Variants in LRP6 observed in about 807,000 individuals in gnomAD.
The protein encoded by LRP6 is LDL receptor related protein 6.
In LRP6, 43 loss-of-function variants were observed where a neutral mutation model predicts 184.1. The ratio of observed to expected loss-of-function variants is 0.23; its 90% CI spans 0.18 to 0.30. LRP6 has a LOEUF of 0.30. Ranked by LOEUF, LRP6 falls within the 10% of genes least tolerant of loss-of-function variation. The probability of loss-of-function intolerance (pLI) is 1.00; values close to 1 mark genes in which losing one functional copy is unlikely to be tolerated. For missense variants in LRP6, 1,571 were observed against 2,005.3 expected, an observed-to-expected ratio of 0.78 and a Z score of 4.14; for synonymous variants, 719 against 684.9, an observed-to-expected ratio of 1.05 and a Z score of -0.78.
rs547022529 is a variant in LRP6 at position 12,209,743 on chromosome 12, G to A, written c.450-6343C>T. Among the ~76,000 whole-genome samples the A allele has an allele frequency of 1.3e-3, 205 of 152,176 alleles. 1 individual carries two copies. The South Asian group carries it at 0.015, about 11-fold the overall frequency. On this transcript the variant is annotated intron_variant, in intron 2 of 22. Coordinates refer to ENST00000261349, the MANE Select transcript of LRP6 (RefSeq NM_002336.3). ...TAAGGTTTTGAACACCTATTAAAGC[G>A]GTGAGCACCTATTAGGAGCTAAGCA...
chr12:12,156,795 T>G (rs1179370135), intron 12 of LRP6, among the ~76,000 whole-genome samples: 1 of 152,240 alleles, frequency 6.6e-6, no homozygotes. Flanking sequence ...CCTCTCTGGT[T>G]GCTACTTCTC....
intron 10 of LRP6, among the ~76,000 whole-genome samples, chr12:12,161,628 G>A (rs993936441): frequency 1.3e-5 from 2 of 152,054 alleles, no homozygotes; most frequent in Non-Finnish European, 2.9e-5. Flanking sequence ...TTAGCTGCCG[G>A]CTTTAAAAAA....
intron 22 of LRP6, among the ~76,000 whole-genome samples, 185 bp downstream of exon 22, chr12:12,124,380 T>TA (rs770548907): frequency 9.3e-5 from 14 of 150,954 alleles, no homozygotes; most frequent in Non-Finnish European, 1.2e-4. Context: ...CTCAAAAAAT[T>TA]AAAAAAAAAG....
intron 7 of LRP6, among the ~76,000 whole-genome samples, chr12:12,168,227 G>C (rs574335487): frequency 2.0e-5 from 3 of 152,162 alleles, no homozygotes; most frequent in Non-Finnish European, 4.4e-5. Context: ...TCCAGCTAAT[G>C]TATTACAATC....
chr12:12,185,188 A>G (rs922438096), intron 4 of LRP6, among the ~76,000 whole-genome samples: 8 of 152,104 alleles, frequency 5.3e-5, no homozygotes, highest in African/African-American at 1.7e-4. Flanking sequence ...AGTCCCAGCT[A>G]CTAGGGAGGC....
chr12:12,235,826 A>G lies in LRP6; in HGVS notation c.449+8436T>C, dbSNP rs538868188. The stretch of plus-strand genomic sequence containing the variant: ...CTAAATACCATTCTCTAATAAAAGG[A>G]GCCAGAACTCCTTGGAGAAATAGTT... On this transcript the variant is annotated intron_variant, in intron 2 of 22. Transcript: ENST00000261349. Among the ~76,000 whole-genome samples the G allele has an allele frequency of 2.0e-5, 3 of 152,326 alleles. No individual in the cohort carries two copies. The East Asian group carries it at 5.8e-4, about 29-fold the overall frequency.
chr12:12,202,329 A>G lies in LRP6; in HGVS notation c.647+874T>C, dbSNP rs529092264. Among the ~76,000 whole-genome samples, 353 of 152,304 alleles carry G rather than the reference A, an allele frequency of 2.3e-3. 1 individual carries two copies. The highest frequency in any genetic ancestry group is 8.2e-3 in the African/African-American group (342 of 41,570). Reference sequence around the variant, plus strand: ...AGGCCGAGGCCGGTGAATCACTTGGAGCTCAGGGCATAAGACCAGCCTGGG... The same window carrying G: ...AGGCCGAGGCCGGTGAATCACTTGGGGCTCAGGGCATAAGACCAGCCTGGG... On this transcript the variant is annotated intron_variant, in intron 3 of 22. Transcript: ENST00000261349.
At chr12:12,129,869 CA>C (rs1416110948) in intron 19 of LRP6, among the ~76,000 whole-genome samples, 1 of 152,046 alleles carries the variant, frequency 6.6e-6, no homozygotes, top group Non-Finnish European at 1.5e-5. Flanking sequence ...TCTTAAATAC[CA>C]TTTTTCTAAG....
intron 3 of LRP6, among the ~76,000 whole-genome samples, chr12:12,198,651 A>G (rs1363975194): frequency 1.3e-5 from 2 of 148,718 alleles, no homozygotes; most frequent in African/African-American, 5.0e-5. Context: ...CTACTGCCTC[A>G]GCCTCCCGAG....
intron 7 of LRP6, among the ~76,000 whole-genome samples, chr12:12,171,815 T>C (rs978862381): frequency 6.6e-6 from 1 of 152,220 alleles, no homozygotes; most frequent in Admixed American, 6.5e-5. Context: ...AGCCACACAA[T>C]CTTTTTCTAC....
chr12:12,135,315 G>A lies in LRP6; in HGVS notation c.3608-15C>T, dbSNP rs746557435. On this transcript the variant is annotated splice_polypyrimidine_tract_variant and intron_variant, in intron 16 of 22. Transcript: ENST00000261349. ...AGGGTGCTGTCCTGCAAAGAGAAGA[G>A]GTGAGGATGGGGAGAGGAGGGGGAG... The A allele has an allele frequency of 1.5e-5, 24 of 1,607,508 alleles. No individual in the cohort carries two copies. The Admixed American group carries it at 3.5e-4, about 23-fold the overall frequency.
intron 2 of LRP6, among the ~76,000 whole-genome samples, chr12:12,206,365 A>G (rs2137050038): frequency 6.6e-6 from 1 of 151,764 alleles, no homozygotes; most frequent in Non-Finnish European, 1.5e-5. Flanking sequence ...ACACGGTGAA[A>G]CCCTGTCTCT....
chr12:12,222,775 A>G (rs1195729448), intron 2 of LRP6, among the ~76,000 whole-genome samples: 3 of 152,124 alleles, frequency 2.0e-5, no homozygotes, highest in Non-Finnish European at 4.4e-5. Context: ...CTGCACTGTA[A>G]TAAGAGAATA....
intron 2 of LRP6, among the ~76,000 whole-genome samples, chr12:12,239,567 T>G (rs529874423): frequency 6.6e-6 from 1 of 152,164 alleles, no homozygotes; most frequent in Non-Finnish European, 1.5e-5. Flanking sequence ...TAAAGATTCA[T>G]TGTAATTTCT....
At chr12:12,183,172 A>C (rs2136995966) in intron 5 of LRP6, among the ~76,000 whole-genome samples, 1 of 152,296 alleles carries the variant, frequency 6.6e-6, no homozygotes, top group Middle Eastern at 3.4e-3. Context: ...CCCCCTTGCC[A>C]GGGACTCTAA....
intron 1 of LRP6, among the ~76,000 whole-genome samples, chr12:12,247,721 G>T (rs796245036): frequency 2.6e-4 from 40 of 152,256 alleles, no homozygotes; most frequent in African/African-American, 9.6e-4. Context: ...AATTTGATTT[G>T]TAACATTGTT....
intron 16 of LRP6, among the ~76,000 whole-genome samples, chr12:12,137,621 T>C (rs1274728500): frequency 6.6e-6 from 1 of 152,196 alleles, no homozygotes; most frequent in Non-Finnish European, 1.5e-5. Context: ...TTCATCATTA[T>C]ATAATTTTTA....
chr12:12,240,339 C>T (rs1274294703), intron 2 of LRP6, among the ~76,000 whole-genome samples: 1 of 152,036 alleles, frequency 6.6e-6, no homozygotes, highest in East Asian at 1.9e-4. Context: ...TTTGGGAGGC[C>T]GAGGCGGGCA....
At chr12:12,189,639 T>C (rs1221072226) in intron 3 of LRP6, among the ~76,000 whole-genome samples, 4 of 152,052 alleles carry the variant, frequency 2.6e-5, no homozygotes, top group Admixed American at 6.6e-5. Flanking sequence ...GTAGCTGGGA[T>C]TATAGGCATG....
Sources: gnomAD v4.1 joint callset for allele counts (sites outside exome capture counted in the v4.1 genomes callset) on GRCh38, gnomAD v4.1.1 for gene constraint, MANE v1.5 for transcripts, NCBI Gene and HGNC (gene_info 2026-07-23, HGNC 2026-07-21) for gene names.